HELZ: variants seen among roughly 807,000 people sequenced by gnomAD.
HELZ encodes ATP-dependent RNA helicase with zinc finger domain.
Under a neutral mutation model 218.2 loss-of-function variants are expected in HELZ, and 23 were observed. The observed-to-expected ratio is 0.11, with a 90% CI of 0.08 to 0.15. The LOEUF is 0.15. HELZ is among the 10% of genes least tolerant of loss of function. The probability of loss-of-function intolerance (pLI) is 1.00; values close to 1 mark genes in which losing one functional copy is unlikely to be tolerated. For missense variants in HELZ, 1,813 were observed against 2,353.7 expected (o/e 0.77, Z 4.75); for synonymous variants, 814 against 829.4 (o/e 0.98, Z 0.32).
At chr17:67,216,258 C>T (rs2040598076) in intron 4 of HELZ, among the ~76,000 whole-genome samples, 1 of 152,176 alleles carries the variant, frequency 6.6e-6, no homozygotes, top group South Asian at 2.1e-4. Flanking sequence ...TAGACTGTCA[C>T]CACCACGTCT....
intron 32 of HELZ, among the ~76,000 whole-genome samples, chr17:67,082,811 G>A (rs1598174149): frequency 7.1e-6 from 1 of 140,494 alleles, no homozygotes; most frequent in South Asian, 2.3e-4. Context: ...ATTTAACCAT[G>A]TTCTCAGTTT....
At chr17:67,147,899 G>T (rs995245454) in intron 20 of HELZ, among the ~76,000 whole-genome samples, 1 of 152,210 alleles carries the variant, frequency 6.6e-6, no homozygotes, top group Admixed American at 6.5e-5. Flanking sequence ...GGATGGTGGC[G>T]CACCCAGGGA....
chr17:67,151,603 C>CATTG (rs1214901189), intron 17 of HELZ, among the ~76,000 whole-genome samples: 1 of 152,156 alleles, frequency 6.6e-6, no homozygotes, highest in African/African-American at 2.4e-5. Flanking sequence ...TACAAAAATA[C>CATTG]ATTGACTCAT....
At chr17:67,148,813 A>G in intron 19 of HELZ, 99 bp from the exon 20 acceptor site, 1 of 1,082,806 alleles carries the variant, frequency 9.2e-7, no homozygotes, top group East Asian at 2.5e-5. Context: ...CTTCTTATAT[A>G]CAAAACTTCA....
At chr17:67,213,249 T>G (rs1207134997) in intron 5 of HELZ, among the ~76,000 whole-genome samples, 3 of 151,804 alleles carry the variant, frequency 2.0e-5, no homozygotes, top group African/African-American at 7.3e-5. Context: ...CACTGACAGG[T>G]TTCAGTGACA....
intron 6 of HELZ, among the ~76,000 whole-genome samples, chr17:67,201,436 A>G (rs948356207): frequency 1.3e-5 from 2 of 152,204 alleles, no homozygotes; most frequent in Admixed American, 1.3e-4. Flanking sequence ...CCTTACATTA[A>G]TTAAAATTAA....
At position 67,087,077 on chromosome 17, in the gene HELZ, TCATACTACACAAAGAAAAAGAA is replaced by T; in HGVS notation, c.5242-18_5245del. 1 of 1,613,982 alleles carries T rather than the reference TCATACTACACAAAGAAAAAGAA, an allele frequency of 6.2e-7. No individual in the cohort carries two copies. The highest frequency in any genetic ancestry group is 8.5e-7 in the Non-Finnish European group (1 of 1,179,870). On this transcript the variant is annotated splice_acceptor_variant and splice_polypyrimidine_tract_variant and coding_sequence_variant and intron_variant, in exon 32 of 33. Coordinates refer to ENST00000358691, the MANE Select transcript of HELZ (RefSeq NM_014877.4). LOFTEE classifies it high-confidence loss of function. ...CAAGGGCCGACCAGGTCCTCTGGGC[TCATACTACACAAAGAAAAAGAA>T]CATTTCATAAATCAGTGCACCTTGT...
intron 7 of HELZ, among the ~76,000 whole-genome samples, chr17:67,198,672 C>T (rs376229432): frequency 6.6e-5 from 10 of 152,152 alleles, no homozygotes; most frequent in East Asian, 5.8e-4. Context: ...ATAAATCAGT[C>T]TTGAGTTCCA....
At chr17:67,120,122 G>A (rs2037560791) in intron 27 of HELZ, 1 of 362,854 alleles carries the variant, frequency 2.8e-6, no homozygotes. Context: ...TCCTGCCTCA[G>A]CCTCCCAAGT....
At position 67,195,404 on chromosome 17, in the gene HELZ, G is replaced by A. The variant is rs768176511; in HGVS notation, c.481+15C>T. The A allele has an allele frequency of 7.8e-6, 12 of 1,540,648 alleles. No individual in the cohort carries two copies. Among genetic ancestry groups the A allele is most frequent in the African/African-American group, 4.1e-5 (3 of 73,540 alleles). ...ATTCACAGCTACCAGAAGTTACACA[G>A]CATTTGGCACTTACCCTCATCTAAG... On this transcript the variant is annotated intron_variant, in intron 8 of 32. Transcript: ENST00000358691.
chr17:67,191,206 C>T (rs977058510), intron 9 of HELZ, among the ~76,000 whole-genome samples: 6 of 152,140 alleles, frequency 3.9e-5, no homozygotes, highest in Non-Finnish European at 7.4e-5. Flanking sequence ...TGATTTTACT[C>T]TTTTCTACAT....
chr17:67,135,901 A>T lies in HELZ; in HGVS notation c.3182+69T>A, dbSNP rs2038134608. ...AATTAGCCAGAAGGTCATATGAATA[A>T]ATATACACATAGGGATACAAATCAT... On this transcript the variant is annotated intron_variant, in intron 23 of 32. Coordinates refer to ENST00000358691, the MANE Select transcript of HELZ (RefSeq NM_014877.4). 8.0e-6 allele frequency: 10 copies of T among 1,250,420 alleles called. 1 individual carries two copies. In the South Asian group the frequency reaches 1.4e-4, roughly 18 times the overall value. 77.5% of individuals were successfully genotyped at this position (1,250,420 alleles called of 1,614,324 possible). A position where few individuals can be genotyped will look rare whatever the true frequency, so the allele number is the denominator to read the frequency against.
Position 67,138,038 on chromosome 17 carries a change from C to T in HELZ, c.2846G>A (p.Ser949Asn), listed in dbSNP as rs927400764. ...PVAWGKLDDG[S>N]IGVVTPYADQ... Reference sequence around the variant, plus strand: ...AGCATATGGAGTCACCACACCAATACTGCCATCATCTAACTTCCCCCACGC... The same window carrying T: ...AGCATATGGAGTCACCACACCAATATTGCCATCATCTAACTTCCCCCACGC... The change falls in exon 22 of 33, where the codon AGT (serine) becomes AAT (asparagine). Residue 949 changes from serine (S) to asparagine (N), a missense_variant. Transcript: ENST00000358691. The T allele has an allele frequency of 1.2e-6, 2 of 1,613,744 alleles. No homozygotes were observed. Among genetic ancestry groups the T allele is most frequent in the Non-Finnish European group, 1.7e-6 (2 of 1,179,832 alleles).
chr17:67,242,529 CAT>C (rs1390483469), intron 2 of HELZ, among the ~76,000 whole-genome samples: 1 of 3,504 alleles, frequency 2.9e-4, no homozygotes, highest in Non-Finnish European at 1.5e-3. Flanking sequence ...TATATACACA[CAT>C]ATATGTATAT....
At chr17:67,187,400 A>G (rs568413413) in intron 12 of HELZ, among the ~76,000 whole-genome samples, 1 of 152,322 alleles carries the variant, frequency 6.6e-6, no homozygotes, top group South Asian at 2.1e-4. Flanking sequence ...CAGCTAAAGT[A>G]AAGAGGAAGA....
intron 22 of HELZ, among the ~76,000 whole-genome samples, chr17:67,136,748 A>T (rs75921365): frequency 0.01 from 1,546 of 152,312 alleles, 25 homozygotes; most frequent in African/African-American, 0.034. Flanking sequence ...GAACAGTCAA[A>T]TTCATAGAGA....
intron 22 of HELZ, 90 bp downstream of exon 22, chr17:67,137,841 G>C: frequency 3.1e-6 from 3 of 971,038 alleles, no homozygotes; most frequent in Non-Finnish European, 4.4e-6. Context: ...CATAACTTCA[G>C]AAAAGAGATC....
At chr17:67,165,692 A>T (rs1262560237) in intron 15 of HELZ, among the ~76,000 whole-genome samples, 1 of 152,246 alleles carries the variant, frequency 6.6e-6, no homozygotes, top group Non-Finnish European at 1.5e-5. Flanking sequence ...AAATGGAAGT[A>T]CCTTCTTCAT....
chr17:67,129,198 C>A (rs8066983), intron 23 of HELZ, among the ~76,000 whole-genome samples: 3 of 152,022 alleles, frequency 2.0e-5, no homozygotes, highest in Admixed American at 6.6e-5. Context: ...GATGGCAACT[C>A]ATTTCACACA....
Sources: gnomAD v4.1 joint callset for allele counts (sites outside exome capture counted in the v4.1 genomes callset) on GRCh38, gnomAD v4.1.1 for gene constraint, MANE v1.5 for transcripts, NCBI Gene and HGNC (gene_info 2026-07-23, HGNC 2026-07-21) for gene names.